The following AKAP13 variants were observed in gnomAD, a reference collection of about 807,000 sequenced individuals.
AKAP13 encodes A-kinase anchoring protein 13, also known as A-kinase anchor protein 13.
AKAP13 carries 80 observed loss-of-function variants against 264.5 expected under a neutral mutation model. That is an observed-to-expected ratio of 0.30 (90% CI 0.25 to 0.36). AKAP13 has a LOEUF of 0.36. Ranked by LOEUF, AKAP13 falls within the 10% of genes least tolerant of loss-of-function variation. The pLI is 1.00. For synonymous variants in AKAP13, 1,380 were observed against 1,250.2 expected (o/e 1.10, Z -2.19); for missense variants, 3,712 against 3,435.2 (o/e 1.08, Z -2.01).
chr15:85,564,410 C>T (rs1224347863), intron 5 of AKAP13, among the ~76,000 whole-genome samples: 2 of 152,130 alleles, frequency 1.3e-5, no homozygotes, highest in African/African-American at 4.8e-5. Flanking sequence ...GAATCATGAC[C>T]TTCTGTTCCT....
At chr15:85,672,372 A>G (rs541143650) in intron 14 of AKAP13, among the ~76,000 whole-genome samples, 1 of 152,358 alleles carries the variant, frequency 6.6e-6, no homozygotes, top group South Asian at 2.1e-4. Context: ...GTTATTCTAC[A>G]CTAGAAACAT....
chr15:85,679,705 G>T (rs1370907220), intron 14 of AKAP13, among the ~76,000 whole-genome samples: 1 of 152,174 alleles, frequency 6.6e-6, no homozygotes, highest in East Asian at 1.9e-4. Context: ...TGAAGTTCCT[G>T]GCTGTAGTAT....
chr15:85,610,298 C>G (rs2080546229), intron 8 of AKAP13, among the ~76,000 whole-genome samples: 1 of 152,152 alleles, frequency 6.6e-6, no homozygotes, highest in Non-Finnish European at 1.5e-5. Flanking sequence ...CACTTGTTGC[C>G]TCTTCCCTTC....
intron 8 of AKAP13, among the ~76,000 whole-genome samples, chr15:85,588,070 C>A (rs1431794952): frequency 6.6e-6 from 1 of 152,074 alleles, no homozygotes; most frequent in Non-Finnish European, 1.5e-5. Context: ...CTCATGCTGC[C>A]CCTTTGAAAG....
At chr15:85,624,358 A>T (rs2151428400) in intron 8 of AKAP13, 1 of 152,300 alleles carries the variant, frequency 6.6e-6, no homozygotes, top group South Asian at 2.1e-4. Context: ...CCGACTCACG[A>T]CACTTGGGCA....
chr15:85,407,376 C>T lies in AKAP13; in HGVS notation c.-12+26578C>T, dbSNP rs529766906. Among the ~76,000 whole-genome samples the T allele has an allele frequency of 2.1e-4, 32 of 151,480 alleles. 1 individual carries two copies. Among genetic ancestry groups the T allele is most frequent in the Non-Finnish European group, 2.8e-4 (19 of 67,984 alleles). ...CCGAGTGGCTGAGACTACAGGCATGCGCTGCCATGCCTGGCTAATTTTTTT... is the reference window on the plus strand; with the variant it reads ...CCGAGTGGCTGAGACTACAGGCATGTGCTGCCATGCCTGGCTAATTTTTTT... On this transcript the variant is annotated intron_variant, in intron 1 of 36. Transcript: ENST00000394518.
rs377400750 is a variant in AKAP13, at chr15:85,574,198, C to T, written c.663-933C>T. 1.4e-4 allele frequency among the ~76,000 whole-genome samples: 22 copies of T among 152,310 alleles called. 1 individual carries two copies. In the East Asian group the frequency reaches 3.1e-3, roughly 21 times the overall value. On this transcript the variant is annotated intron_variant, in intron 5 of 36. Coordinates refer to ENST00000394518, the MANE Select transcript of AKAP13 (RefSeq NM_007200.5). ...AAGAGGGTGCTTAACACTTGAAATG[C>T]GTGCTCAAGTACAATAGTTAATAAT...
chr15:85,424,942 CATTT>C (rs2072700161), intron 1 of AKAP13, among the ~76,000 whole-genome samples: 1 of 152,172 alleles, frequency 6.6e-6, no homozygotes, highest in South Asian at 2.1e-4. Flanking sequence ...ACATACACAA[CATTT>C]ATTTAGTTTG....
At chr15:85,670,774 C>A (rs1258887373) in intron 14 of AKAP13, 1 of 151,890 alleles carries the variant, frequency 6.6e-6, no homozygotes, top group Non-Finnish European at 1.5e-5. Context: ...TCAGTGAGGG[C>A]CAGTAGGATT....
Position 85,579,507 on chromosome 15 carries a change from G to A in AKAP13, c.1439G>A (p.Gly480Glu), listed in dbSNP as rs970593661. The change falls in exon 7 of 37, where the codon GGG becomes GAG. Residue 480 changes from glycine to glutamate, a missense_variant. Physicochemically the swap from Gly to Glu is moderately conservative, Grantham distance 98. Transcript: ENST00000394518. ...AATGTCAGTACCCCAGACACTGCAG[G>A]GGAAATGGAACATGGGCTCATGAAC... ...TTNVSTPDTA[G>E]EMEHGLMNPD... The A allele has an allele frequency of 6.2e-7, 1 of 1,614,158 alleles. No individual in the cohort carries two copies. The highest frequency in any genetic ancestry group is 8.5e-7 in the Non-Finnish European group (1 of 1,180,024).
intron 1 of AKAP13, among the ~76,000 whole-genome samples, chr15:85,412,287 C>T (rs1448108079): frequency 6.6e-6 from 1 of 152,182 alleles, no homozygotes; most frequent in Non-Finnish European, 1.5e-5. Flanking sequence ...TAACAACTAT[C>T]CCAAAAGACT....
intron 7 of AKAP13, among the ~76,000 whole-genome samples, chr15:85,584,630 T>C (rs944102167): frequency 6.6e-5 from 10 of 152,216 alleles, no homozygotes; most frequent in African/African-American, 2.4e-4. Context: ...ATTATATAAT[T>C]ATAAGGTCAA....
chr15:85,567,386 G>A (rs374111517), intron 5 of AKAP13, among the ~76,000 whole-genome samples: 1 of 152,208 alleles, frequency 6.6e-6, no homozygotes, highest in Admixed American at 6.5e-5. Flanking sequence ...GATTGCAGGC[G>A]TGAGCCACCA....
intron 1 of AKAP13, among the ~76,000 whole-genome samples, chr15:85,420,314 C>T (rs902356911): frequency 4.6e-5 from 7 of 151,870 alleles, no homozygotes; most frequent in Non-Finnish European, 1.0e-4. Flanking sequence ...AGACTGTTGT[C>T]ACTTCTTTTG....
intron 5 of AKAP13, among the ~76,000 whole-genome samples, chr15:85,569,006 G>T (rs1384259165): frequency 6.6e-6 from 1 of 152,302 alleles, no homozygotes; most frequent in African/African-American, 2.4e-5. Context: ...AGCTGAATGG[G>T]GGAAGCATTG....
At chr15:85,575,446 C>T (rs2078971824) in intron 6 of AKAP13, 117 bp downstream of exon 6, 4 of 1,066,004 alleles carry the variant, frequency 3.8e-6, no homozygotes, top group Middle Eastern at 3.0e-4. Flanking sequence ...AAAATGCTTT[C>T]CTGGTGGGAG....
At chr15:85,700,540 G>T (rs2085849344) in intron 17 of AKAP13, among the ~76,000 whole-genome samples, 1 of 152,184 alleles carries the variant, frequency 6.6e-6, no homozygotes. Flanking sequence ...AAAACTGTAG[G>T]AAAGGTTTGA....
Position 85,741,458 on chromosome 15 carries a change from G to T in AKAP13, c.8021G>T (p.Arg2674Leu). ...GAGCAGCTGCGCCGGGAGGCAGAGCGGCTCAGCCAGCGGCAGACAGAACGG... is the reference window on the plus strand; with the variant it reads ...GAGCAGCTGCGCCGGGAGGCAGAGCTGCTCAGCCAGCGGCAGACAGAACGG... ...EQEQLRREAERLSQRQTERDL... is the reference protein window; with the variant it reads ...EQEQLRREAELLSQRQTERDL... The change falls in exon 35 of 37, where the codon CGG (arginine) becomes CTG (leucine). Residue 2674 changes from arginine to leucine, a missense_variant. This residue lies in a region of AKAP13 where 611 missense variants were observed against 539.3 expected (regional missense o/e 1.13). Coordinates refer to ENST00000394518, the MANE Select transcript of AKAP13 (RefSeq NM_007200.5). The T allele has an allele frequency of 6.2e-7, 1 of 1,605,870 alleles. No homozygotes were observed. The highest frequency in any genetic ancestry group is 8.5e-7 in the Non-Finnish European group (1 of 1,174,060).
intron 3 of AKAP13, among the ~76,000 whole-genome samples, chr15:85,525,266 G>C (rs1311055810): frequency 1.3e-5 from 2 of 151,972 alleles, no homozygotes; most frequent in African/African-American, 4.8e-5. Flanking sequence ...CACCGTGTTA[G>C]CCAGGATGGT....
Sources: gnomAD v4.1 joint callset for allele counts (sites outside exome capture counted in the v4.1 genomes callset) on GRCh38, gnomAD v4.1.1 for gene constraint, gnomAD v4.1.1 regional missense constraint, MANE v1.5 for transcripts, NCBI Gene and HGNC (gene_info 2026-07-23, HGNC 2026-07-21) for gene names.